NFIC: variants seen among roughly 807,000 people sequenced by gnomAD.
NFIC encodes nuclear factor 1 C-type.
Under a neutral mutation model 54.4 loss-of-function variants are expected in NFIC, and 12 were observed. The ratio of observed to expected loss-of-function variants is 0.22; its 90% CI spans 0.14 to 0.36. NFIC has a LOEUF of 0.36. Among genes scored for constraint, NFIC ranks in the 10% least tolerant of loss-of-function variants. NFIC has a pLI of 1.00. For synonymous variants in NFIC, 322 were observed against 319.2 expected, an observed-to-expected ratio of 1.01 and a Z score of -0.09; for missense variants, 575 against 718.2, an observed-to-expected ratio of 0.80 and a Z score of 2.28.
At chr19:3,432,089 G>A (rs1198664463) in intron 3 of NFIC, among the ~76,000 whole-genome samples, 1 of 152,118 alleles carries the variant, frequency 6.6e-6, no homozygotes. Flanking sequence ...AACGCCTGTT[G>A]AGTCCATGAA....
chr19:3,405,899 G>T (rs749014530), intron 2 of NFIC, among the ~76,000 whole-genome samples: 1 of 147,830 alleles, frequency 6.8e-6, no homozygotes, highest in African/African-American at 2.6e-5. Flanking sequence ...CACCGCGCCC[G>T]GCCCCTTTTT....
At position 3,396,733 on chromosome 19, in the gene NFIC, A is replaced by G. The variant is rs150620804; in HGVS notation, c.562+14490A>G. ...CACTTGCAGAGGCCAAGGTGGGTGG[A>G]TCACCTGAGATCAGGAGTTCGAGAC... On this transcript the variant is annotated intron_variant, in intron 2 of 10. Coordinates refer to ENST00000443272, the MANE Select transcript of NFIC (RefSeq NM_001245002.2). 1.3e-3 allele frequency among the ~76,000 whole-genome samples: 205 copies of G among 152,320 alleles called. 1 individual carries two copies. The highest frequency in any genetic ancestry group is 4.8e-3 in the African/African-American group (199 of 41,572).
At chr19:3,394,577 C>T (rs1289818394) in intron 2 of NFIC, among the ~76,000 whole-genome samples, 2 of 131,938 alleles carry the variant, frequency 1.5e-5, no homozygotes, top group East Asian at 4.9e-4. Context: ...ATTTCAAGCA[C>T]TGGATGTCAC....
At chr19:3,399,446 T>C (rs1035854360) in intron 2 of NFIC, among the ~76,000 whole-genome samples, 2 of 151,930 alleles carry the variant, frequency 1.3e-5, no homozygotes, top group Non-Finnish European at 2.9e-5. Context: ...CATGGTGATG[T>C]GTGCCTGTAG....
chr19:3,366,563 G>GGT, upstream of NFIC: 1 of 782,874 alleles, frequency 1.3e-6, no homozygotes, highest in Non-Finnish European at 1.9e-6. Context: ...GGGCGGGGGG[G>GGT]TGGTTTGGAA....
chr19:3,426,846 G>A (rs1445541556), intron 3 of NFIC, among the ~76,000 whole-genome samples: 1 of 151,778 alleles, frequency 6.6e-6, no homozygotes, highest in East Asian at 1.9e-4. Flanking sequence ...ATCTCCCCTG[G>A]TCTCAGCTCA....
intron 1 of NFIC, among the ~76,000 whole-genome samples, chr19:3,379,981 C>T (rs962007886): frequency 1.3e-5 from 2 of 151,476 alleles, no homozygotes; most frequent in African/African-American, 2.4e-5. Context: ...CATGCTTGGC[C>T]GCCGACCCTA....
chr19:3,408,913 G>A (rs960387260), intron 2 of NFIC, among the ~76,000 whole-genome samples: 1 of 152,090 alleles, frequency 6.6e-6, no homozygotes, highest in South Asian at 2.1e-4. Context: ...AAAATATTTT[G>A]TAGAGATGGG....
chr19:3,461,087 T>G (rs1159134802), intron 10 of NFIC, among the ~76,000 whole-genome samples: 1 of 151,802 alleles, frequency 6.6e-6, no homozygotes, highest in Non-Finnish European at 1.5e-5. Flanking sequence ...ATCGTGCCAC[T>G]GCACTCCAGC....
intron 2 of NFIC, among the ~76,000 whole-genome samples, chr19:3,414,184 C>T (rs568000525): frequency 2.4e-4 from 37 of 152,222 alleles, no homozygotes; most frequent in Admixed American, 5.2e-4. Context: ...GCCACACAGC[C>T]GGAAGCCCGC....
intron 2 of NFIC, among the ~76,000 whole-genome samples, chr19:3,401,974 G>A (rs1326872121): frequency 1.3e-5 from 2 of 151,874 alleles, no homozygotes; most frequent in African/African-American, 4.8e-5. Context: ...CAACCGCCTC[G>A]ACCTCCCAAA....
At chr19:3,382,822 G>C (rs553614096) in intron 2 of NFIC, among the ~76,000 whole-genome samples, 1 of 151,922 alleles carries the variant, frequency 6.6e-6, no homozygotes. Flanking sequence ...TGCAAGGAGC[G>C]TCTGAGGGAG....
intron 2 of NFIC, among the ~76,000 whole-genome samples, chr19:3,411,655 G>A (rs1599639940): frequency 6.6e-6 from 1 of 151,950 alleles, no homozygotes; most frequent in South Asian, 2.1e-4. Context: ...AAAGTCCTAC[G>A]TTGTCCTGAA....
rs1167284642 is a variant in NFIC at position 3,429,259 on chromosome 19, C to A, written c.634+4082C>A. 6.2e-3 allele frequency among the ~76,000 whole-genome samples: 563 copies of A among 90,342 alleles called. 78 individuals carry two copies. Among genetic ancestry groups the A allele is most frequent in the African/African-American group, 0.028 (472 of 16,968 alleles). The allele number at this position is 90,342 out of a possible 152,430, so 59.3% of individuals were successfully genotyped here. ...AAAAAAAAAAAAAAATATATACACA[C>A]ACACACACACACACACACACACACA... On this transcript the variant is annotated intron_variant, in intron 3 of 10. Transcript: ENST00000443272.
intron 7 of NFIC, among the ~76,000 whole-genome samples, chr19:3,450,871 C>T (rs2082451925): frequency 6.6e-6 from 1 of 152,188 alleles, no homozygotes; most frequent in African/African-American, 2.4e-5. Context: ...CCCTGGTTGC[C>T]TGTTCTTACG....
upstream of NFIC, among the ~76,000 whole-genome samples, chr19:3,363,267 A>G (rs200776076): frequency 2.1e-5 from 1 of 47,070 alleles, no homozygotes; most frequent in East Asian, 4.3e-4. Flanking sequence ...ATATATATAT[A>G]TATTTTTTTT....
intron 1 of NFIC, among the ~76,000 whole-genome samples, chr19:3,368,943 GTGTGTC>G (rs1288379324): frequency 5.2e-4 from 72 of 138,846 alleles, no homozygotes; most frequent in African/African-American, 1.6e-3. Context: ...GTGTGTGTGT[GTGTGTC>G]TGTTTCTCCC....
rs1568212784 is a variant in NFIC at position 3,469,031 on chromosome 19, GCCTA to G, written c.*6267_*6270del. The stretch of plus-strand genomic sequence containing the variant: ...CAGTCATTTTGGTTTTCGCGGACGC[GCCTA>G]CCTAAGTACCATTTACAGAAAGTGA... On this transcript the variant is annotated 3_prime_UTR_variant, in exon 11 of 11. Transcript: ENST00000443272. The G allele has an allele frequency of 1.3e-5, 2 of 148,234 alleles. No individual in the cohort carries two copies. Among genetic ancestry groups the G allele is most frequent in the African/African-American group, 2.5e-5 (1 of 39,970 alleles). 9.2% of individuals were successfully genotyped at this position (148,234 alleles called of 1,614,324 possible). A position where few individuals can be genotyped will look rare whatever the true frequency, so the allele number is the denominator to read the frequency against.
intron 7 of NFIC, among the ~76,000 whole-genome samples, chr19:3,449,752 T>G (rs1481465195): frequency 1.1e-4 from 13 of 122,228 alleles, no homozygotes; most frequent in Non-Finnish European, 1.6e-4. Flanking sequence ...AGAGTAAGAT[T>G]CCATCTCAAA....
Sources: gnomAD v4.1 joint callset for allele counts (sites outside exome capture counted in the v4.1 genomes callset) on GRCh38, gnomAD v4.1.1 for gene constraint, MANE v1.5 for transcripts, NCBI Gene and HGNC (gene_info 2026-07-23, HGNC 2026-07-21) for gene names.